SCN3A: variants seen among roughly 807,000 people sequenced by gnomAD.
The protein encoded by SCN3A is sodium channel protein type 3 subunit alpha.
SCN3A carries 60 observed loss-of-function variants against 187.6 expected under a neutral mutation model. The ratio of observed to expected loss-of-function variants is 0.32; its 90% CI spans 0.26 to 0.40. The LOEUF (loss-of-function observed/expected upper bound fraction) is 0.40. SCN3A is among the 10% of genes least tolerant of loss of function. SCN3A has a pLI of 1.00. For synonymous variants in SCN3A, 788 were observed against 829.2 expected (o/e 0.95, Z 0.85); for missense variants, 1,601 against 2,428.2 (o/e 0.66, Z 7.16).
chr2:165,112,511 T>C (rs1686169841), intron 21 of SCN3A, among the ~76,000 whole-genome samples: 1 of 152,230 alleles, frequency 6.6e-6, no homozygotes, highest in South Asian at 2.1e-4. Context: ...CAGTCATTTT[T>C]TATTTTGCTT....
chr2:165,100,435 A>G lies in SCN3A; in HGVS notation c.3844-11T>C. 1 of 1,599,414 alleles carries G rather than the reference A, an allele frequency of 6.3e-7. No homozygotes were observed. Among genetic ancestry groups the G allele is most frequent in the Non-Finnish European group, 8.6e-7 (1 of 1,169,368 alleles). On this transcript the variant is annotated splice_polypyrimidine_tract_variant and intron_variant, in intron 21 of 27. Transcript: ENST00000283254. ...GCTAACCAAAGAAACCTACAAAAGG[A>G]AAAAAAAATTAATTAGTTCACCAAG...
rs1685058070 is a variant in SCN3A at position 165,090,802 on chromosome 2, G to A, written c.5351C>T (p.Pro1784Leu). The A allele has an allele frequency of 1.2e-6, 2 of 1,613,958 alleles. No homozygotes were observed. Among genetic ancestry groups the A allele is most frequent in the Non-Finnish European group, 1.7e-6 (2 of 1,180,008 alleles). ...FSVATEESAEPLSEDDFEMFY... is the reference protein window; with the variant it reads ...FSVATEESAELLSEDDFEMFY... ...CATCTCAAAGTCATCCTCACTCAGG[G>A]GCTCTGCACTTTCTTCAGTAGCAAC... is the stretch of plus-strand genomic sequence containing the variant. Residue 1784 changes from proline to leucine, a missense_variant, in exon 28 of 28, where the codon CCC (proline) becomes CTC (leucine). Physicochemically the swap from Pro to Leu is moderately conservative, Grantham distance 98 (BLOSUM62 -3). Transcript: ENST00000283254. The surrounding 1 kb of genome is among the most constrained non-coding windows in gnomAD (Gnocchi z 4.0).
intron 23 of SCN3A, 28 bp from the exon 24 acceptor site, chr2:165,096,548 C>A: frequency 1.3e-6 from 2 of 1,565,952 alleles, no homozygotes; most frequent in South Asian, 1.1e-5. Flanking sequence ...TTGAATTGTT[C>A]ATAAAAATTT....
intron 11 of SCN3A, 98 bp downstream of exon 11, chr2:165,154,354 T>C (rs1250363292): frequency 2.4e-5 from 31 of 1,306,396 alleles, no homozygotes; most frequent in East Asian, 1.0e-4. Context: ...ATATATAAAA[T>C]GAAAAAGCAG....
At chr2:165,151,892 G>T (rs1176832701) in intron 11 of SCN3A, among the ~76,000 whole-genome samples, 1 of 152,092 alleles carries the variant, frequency 6.6e-6, no homozygotes, top group Non-Finnish European at 1.5e-5. Context: ...TCCTACACTG[G>T]CAAACACTTC....
intron 18 of SCN3A, among the ~76,000 whole-genome samples, chr2:165,120,864 T>A (rs1289810051): frequency 6.6e-6 from 1 of 151,876 alleles, no homozygotes; most frequent in Non-Finnish European, 1.5e-5. Context: ...ACCATCTGGT[T>A]TGCCTGGACA....
intron 18 of SCN3A, among the ~76,000 whole-genome samples, chr2:165,125,632 A>G (rs1686950269): frequency 6.6e-6 from 1 of 152,086 alleles, no homozygotes; most frequent in Non-Finnish European, 1.5e-5. Context: ...TAAAGTTTTT[A>G]ATAGGTCTTT....
At chr2:165,094,032 G>T in intron 26 of SCN3A, 1 of 325,978 alleles carries the variant, frequency 3.1e-6, no homozygotes, top group Non-Finnish European at 5.7e-6. Context: ...GGAGCAGAGA[G>T]TATAGAGGGA....
intron 2 of SCN3A, among the ~76,000 whole-genome samples, chr2:165,183,545 A>G (rs1350336024): frequency 6.6e-6 from 1 of 152,236 alleles, no homozygotes; most frequent in East Asian, 1.9e-4. Flanking sequence ...ATCAGAATCT[A>G]GAAAAATAGC....
chr2:165,178,488 C>T (rs969111024), intron 2 of SCN3A, among the ~76,000 whole-genome samples: 2 of 152,150 alleles, frequency 1.3e-5, no homozygotes, highest in Non-Finnish European at 2.9e-5. Flanking sequence ...CCTCGGCCTC[C>T]CAAAGTGCTA....
chr2:165,198,589 C>T (rs1367382137), intron 1 of SCN3A, among the ~76,000 whole-genome samples: 3 of 151,976 alleles, frequency 2.0e-5, no homozygotes, highest in Non-Finnish European at 2.9e-5. Flanking sequence ...TCAGGGAAGT[C>T]ATTTGATGTA....
rs529996280 is a variant in SCN3A at position 165,185,272 on chromosome 2, T to G, written c.-51+1279A>C. On this transcript the variant is annotated intron_variant, in intron 2 of 27. Coordinates refer to ENST00000283254, the MANE Select transcript of SCN3A (RefSeq NM_006922.4). Reference sequence around the variant, plus strand: ...TCAGCATCACTGGATTTATTATCTCTTTAATGTTTCTATTAAATGCTTGCA... The same window carrying G: ...TCAGCATCACTGGATTTATTATCTCGTTAATGTTTCTATTAAATGCTTGCA... 1.8e-4 allele frequency among the ~76,000 whole-genome samples: 28 copies of G among 152,318 alleles called. No homozygotes were observed. In the South Asian group the frequency reaches 5.4e-3, roughly 29 times the overall value.
At chr2:165,132,419 G>A (rs1171534263) in intron 15 of SCN3A, among the ~76,000 whole-genome samples, 2 of 152,172 alleles carry the variant, frequency 1.3e-5, no homozygotes, top group Non-Finnish European at 2.9e-5. Flanking sequence ...CATGGTACTT[G>A]TACCAAAACA....
At chr2:165,177,225 T>C (rs1690523816) in intron 2 of SCN3A, among the ~76,000 whole-genome samples, 1 of 152,196 alleles carries the variant, frequency 6.6e-6, no homozygotes, top group Non-Finnish European at 1.5e-5. Context: ...TTTGACGTTT[T>C]CCCTGAATCT....
intron 23 of SCN3A, 119 bp from the exon 24 acceptor site, chr2:165,096,639 A>T: frequency 1.6e-6 from 1 of 612,486 alleles, no homozygotes. Context: ...GTGAAATTTC[A>T]TATCAAGAGA....
intron 26 of SCN3A, chr2:165,094,058 G>T (rs1413142387): frequency 8.2e-6 from 3 of 366,350 alleles, no homozygotes; most frequent in Non-Finnish European, 1.0e-5. Flanking sequence ...TGGAGAGTGG[G>T]ATGGGAAGGC....
intron 15 of SCN3A, among the ~76,000 whole-genome samples, chr2:165,133,174 A>C (rs1330202651): frequency 6.6e-6 from 1 of 152,116 alleles, no homozygotes; most frequent in Non-Finnish European, 1.5e-5. Context: ...ACACTTTTAC[A>C]CTGTTTGTGG....
At chr2:165,139,432 C>G in intron 14 of SCN3A, 44 bp downstream of exon 14, 1 of 1,612,922 alleles carries the variant, frequency 6.2e-7, no homozygotes, top group Admixed American at 1.7e-5. Flanking sequence ...GTTCACAAAG[C>G]ACATAATCAC....
intron 1 of SCN3A, among the ~76,000 whole-genome samples, chr2:165,192,507 C>A (rs1171158529): frequency 6.6e-6 from 1 of 152,102 alleles, no homozygotes; most frequent in Non-Finnish European, 1.5e-5. Flanking sequence ...CCCAAGGTCA[C>A]ATGACTAGTA....
Sources: allele counts gnomAD v4.1 joint callset (sites outside exome capture counted in the v4.1 genomes callset), GRCh38; gene constraint gnomAD v4.1.1; non-coding constraint Gnocchi (gnomAD v3.1); transcripts MANE v1.5; gene names NCBI Gene and HGNC (gene_info 2026-07-23, HGNC 2026-07-21).